The following LIMCH1 variants were observed in gnomAD, a reference collection of about 807,000 sequenced individuals.
The protein encoded by LIMCH1 is LIM and calponin homology domains 1.
LIMCH1 carries 113 observed loss-of-function variants against 176.5 expected under a neutral mutation model. That is an observed-to-expected ratio of 0.64 (90% confidence interval 0.55 to 0.75). The LOEUF (loss-of-function observed/expected upper bound fraction) is 0.75, where lower values mean the gene tolerates loss of function less well. LIMCH1 is among the 30% of genes least tolerant of loss of function. LIMCH1 has a pLI of 0.00. For synonymous variants in LIMCH1, 619 were observed against 645.9 expected (o/e 0.96, Z 0.63); for missense variants, 1,674 against 1,814.9 (o/e 0.92, Z 1.41).
chr4:41,527,430 A>AAG (rs1181813987), intron 3 of LIMCH1, among the ~76,000 whole-genome samples: 2 of 152,204 alleles, frequency 1.3e-5, no homozygotes, highest in East Asian at 3.9e-4. Flanking sequence ...GTGATGCACT[A>AAG]AGAAATCACA....
At chr4:41,441,043 C>T (rs2062652532) in intron 1 of LIMCH1, among the ~76,000 whole-genome samples, 3 of 152,128 alleles carry the variant, frequency 2.0e-5, no homozygotes. Flanking sequence ...ATGGAGATCT[C>T]TTTCCCTTGG....
At chr4:41,433,308 A>G (rs568891532) in intron 1 of LIMCH1, among the ~76,000 whole-genome samples, 4 of 152,310 alleles carry the variant, frequency 2.6e-5, no homozygotes, top group East Asian at 1.9e-4. Context: ...TGGGGGGGAA[A>G]CACTTGAATG....
At chr4:41,504,947 C>T (rs2073954072) in intron 2 of LIMCH1, among the ~76,000 whole-genome samples, 1 of 152,176 alleles carries the variant, frequency 6.6e-6, no homozygotes, top group African/African-American at 2.4e-5. Context: ...AGATTTGCCT[C>T]CTGTGTATCC....
rs2052015501 is a variant in LIMCH1, at chr4:41,361,366, C to G, written c.96+430C>G. ...GTATCTTGCTTCTGGTCCCACATTT[C>G]GCCCCTTGTCCCCCTACCCCGCACC... On this transcript the variant is annotated intron_variant, in intron 1 of 26. Transcript: ENST00000313860. Among the ~76,000 whole-genome samples the G allele has an allele frequency of 2.6e-5, 4 of 152,346 alleles. No individual in the cohort carries two copies. In the South Asian group the frequency reaches 8.3e-4, roughly 32 times the overall value.
chr4:41,423,526 G>A, intron 1 of LIMCH1, among the ~76,000 whole-genome samples: 1 of 151,912 alleles, frequency 6.6e-6, no homozygotes, highest in South Asian at 2.1e-4. Context: ...GAGGGGAGGT[G>A]AGAAGCTATG....
chr4:41,482,489 G>A (rs1333916072), intron 1 of LIMCH1, among the ~76,000 whole-genome samples: 1 of 152,144 alleles, frequency 6.6e-6, no homozygotes, highest in Non-Finnish European at 1.5e-5. Flanking sequence ...GGGAAGACTG[G>A]GAGAGGCAAG....
intron 1 of LIMCH1, among the ~76,000 whole-genome samples, chr4:41,488,174 AC>A (rs935415826): frequency 5.3e-5 from 8 of 152,174 alleles, no homozygotes; most frequent in African/African-American, 1.9e-4. Flanking sequence ...TTTCACTAGA[AC>A]ATAATGCTTT....
At position 41,518,741 on chromosome 4, in the gene LIMCH1, C is replaced by T. The variant is rs1422866410; in HGVS notation, c.168-5668C>T. 2.6e-5 allele frequency among the ~76,000 whole-genome samples: 4 copies of T among 152,088 alleles called. No homozygotes were observed. The South Asian group carries it at 8.3e-4, about 32-fold the overall frequency. On this transcript the variant is annotated intron_variant, in intron 2 of 26. Transcript: ENST00000313860. ...TAATGTTCTGCCTCTTCTTGCCCCC[C>T]ACCCCCGATAGGCCCTGGTGTGTGG...
intron 2 of LIMCH1, among the ~76,000 whole-genome samples, chr4:41,599,693 A>G (rs776312591): frequency 2.6e-5 from 4 of 152,258 alleles, no homozygotes; most frequent in Non-Finnish European, 4.4e-5. Flanking sequence ...CTGATTTCAT[A>G]TAAAACATTT....
intron 1 of LIMCH1, among the ~76,000 whole-genome samples, chr4:41,475,024 C>T (rs975182133): frequency 7.2e-5 from 11 of 151,986 alleles, no homozygotes; most frequent in Non-Finnish European, 1.2e-4. Flanking sequence ...ACAATATGAG[C>T]GAACCTAGAG....
At chr4:41,684,299 A>T in intron 26 of LIMCH1, 98 bp from the exon 27 acceptor site, 1 of 994,078 alleles carries the variant, frequency 1.0e-6, no homozygotes, top group South Asian at 2.3e-5. Flanking sequence ...CTTTTTTTAT[A>T]TTGTAATTGG....
chr4:41,626,148 A>G (rs1392396765), intron 7 of LIMCH1, among the ~76,000 whole-genome samples: 1 of 152,134 alleles, frequency 6.6e-6, no homozygotes, highest in Non-Finnish European at 1.5e-5. Context: ...ATAGTTTAAG[A>G]CCATCCTATG....
chr4:41,685,606 G>C, intron 27 of LIMCH1, 104 bp from the exon 28 acceptor site: 1 of 1,346,674 alleles, frequency 7.4e-7, no homozygotes, highest in Non-Finnish European at 1.0e-6. Flanking sequence ...GCATGAAATC[G>C]CTATAAAACC....
intron 4 of LIMCH1, among the ~76,000 whole-genome samples, chr4:41,610,498 G>T (rs777581513): frequency 1.1e-4 from 16 of 152,172 alleles, no homozygotes; most frequent in Non-Finnish European, 2.2e-4. Flanking sequence ...TTTATGATTT[G>T]TATATATTGA....
intron 1 of LIMCH1, among the ~76,000 whole-genome samples, chr4:41,474,949 G>GTA (rs889212079): frequency 6.6e-6 from 1 of 151,832 alleles, no homozygotes; most frequent in Non-Finnish European, 1.5e-5. Flanking sequence ...TTAAAATGTG[G>GTA]TATATATACA....
intron 20 of LIMCH1, among the ~76,000 whole-genome samples, chr4:41,664,929 A>G (rs1345967731): frequency 6.6e-6 from 1 of 152,174 alleles, no homozygotes; most frequent in Non-Finnish European, 1.5e-5. Context: ...AGGATTACCA[A>G]GTTATTCTTG....
chr4:41,535,320 A>T (rs2077787264), upstream of LIMCH1, among the ~76,000 whole-genome samples: 1 of 152,122 alleles, frequency 6.6e-6, no homozygotes, highest in African/African-American at 2.4e-5. Context: ...ATTTGCTCTG[A>T]TGGCCATAAC....
intron 2 of LIMCH1, among the ~76,000 whole-genome samples, chr4:41,502,403 TA>T (rs2154179761): frequency 6.6e-6 from 1 of 152,326 alleles, no homozygotes; most frequent in African/African-American, 2.4e-5. Flanking sequence ...TAGAATGATT[TA>T]TATTCCTTTG....
intron 1 of LIMCH1, among the ~76,000 whole-genome samples, chr4:41,492,166 C>T (rs938655511): frequency 7.2e-5 from 11 of 152,132 alleles, no homozygotes; most frequent in Non-Finnish European, 1.5e-4. Context: ...CTCAGGAGGC[C>T]GAGGCGGGCA....
Sources: allele counts gnomAD v4.1 joint callset (sites outside exome capture counted in the v4.1 genomes callset), GRCh38; gene constraint gnomAD v4.1.1; transcripts MANE v1.5; gene names NCBI Gene and HGNC (gene_info 2026-07-23, HGNC 2026-07-21).